The following GABRB1 variants were observed in gnomAD, a reference collection of about 807,000 sequenced individuals.
GABRB1 encodes gamma-aminobutyric acid receptor subunit beta-1.
Under a neutral mutation model 51.6 loss-of-function variants are expected in GABRB1, and 17 were observed. That is an observed-to-expected ratio of 0.33 (90% confidence interval 0.23 to 0.49). The LOEUF is 0.49. Among genes scored for constraint, GABRB1 ranks in the 20% least tolerant of loss-of-function variants. GABRB1 has a pLI of 0.99. For synonymous variants in GABRB1, 247 were observed against 218.9 expected (o/e 1.13, Z -1.14); for missense variants, 410 against 600.6 (o/e 0.68, Z 3.32).
chr4:47,380,477 T>A (rs1207606902), intron 5 of GABRB1, among the ~76,000 whole-genome samples: 3 of 152,214 alleles, frequency 2.0e-5, no homozygotes, highest in Admixed American at 6.5e-5. Context: ...ATAAGCCCCA[T>A]CTTCATGCTC....
chr4:47,284,139 T>A (rs1723413255), intron 4 of GABRB1, among the ~76,000 whole-genome samples: 1 of 151,722 alleles, frequency 6.6e-6, no homozygotes, highest in South Asian at 2.1e-4. Flanking sequence ...CATTTTCCAT[T>A]TTCCATCAGG....
intron 4 of GABRB1, among the ~76,000 whole-genome samples, chr4:47,316,219 T>C (rs1053555971): frequency 6.6e-6 from 1 of 151,864 alleles, no homozygotes; most frequent in Admixed American, 6.6e-5. Flanking sequence ...TAATATACTA[T>C]ATGCTTATTT....
chr4:47,394,876 C>A (rs931468712), intron 5 of GABRB1, among the ~76,000 whole-genome samples: 2 of 152,016 alleles, frequency 1.3e-5, no homozygotes, highest in African/African-American at 2.4e-5. Flanking sequence ...GATAGAAAAG[C>A]AATTTTTTTG....
At chr4:47,353,463 G>T (rs899303315) in intron 5 of GABRB1, among the ~76,000 whole-genome samples, 1 of 152,118 alleles carries the variant, frequency 6.6e-6, no homozygotes, top group African/African-American at 2.4e-5. Context: ...AAATGCTTTT[G>T]CAAATCTTGG....
chr4:47,415,569 A>G (rs17600665), intron 8 of GABRB1, among the ~76,000 whole-genome samples: 21,787 of 152,174 alleles, frequency 0.14, 1,697 homozygotes, highest in Middle Eastern at 0.22. Flanking sequence ...CTAAATGCCT[A>G]GGTCTGGATC....
intron 4 of GABRB1, among the ~76,000 whole-genome samples, chr4:47,182,004 T>C (rs1187399556): frequency 1.3e-5 from 2 of 152,008 alleles, no homozygotes; most frequent in African/African-American, 2.4e-5. Flanking sequence ...CAGTATGGTG[T>C]AGTGTTGTGG....
chr4:47,396,164 C>A (rs1011153460), intron 5 of GABRB1, among the ~76,000 whole-genome samples: 2 of 152,054 alleles, frequency 1.3e-5, no homozygotes, highest in South Asian at 4.2e-4. Flanking sequence ...ACAACCATGG[C>A]AGAAGGCAAG....
chr4:47,139,693 G>A (rs1169773082), intron 3 of GABRB1, among the ~76,000 whole-genome samples: 1 of 151,998 alleles, frequency 6.6e-6, no homozygotes, highest in Non-Finnish European at 1.5e-5. Flanking sequence ...ACCACTAACG[G>A]AGATAAATTT....
chr4:47,196,055 C>T (rs1166403422), intron 4 of GABRB1, among the ~76,000 whole-genome samples: 2 of 152,196 alleles, frequency 1.3e-5, no homozygotes, highest in East Asian at 1.9e-4. Flanking sequence ...GAACAAAATC[C>T]ATGGCATTAA....
intron 3 of GABRB1, among the ~76,000 whole-genome samples, chr4:47,047,188 A>G (rs2109500238): frequency 6.6e-6 from 1 of 152,246 alleles, no homozygotes; most frequent in African/African-American, 2.4e-5. Context: ...TCCAAAAATA[A>G]TAAATAAATA....
intron 4 of GABRB1, among the ~76,000 whole-genome samples, chr4:47,287,714 T>G (rs1723562965): frequency 6.6e-6 from 1 of 152,232 alleles, no homozygotes; most frequent in Non-Finnish European, 1.5e-5. Context: ...CATGTCTCGA[T>G]CAGGTTTTAA....
intron 3 of GABRB1, among the ~76,000 whole-genome samples, chr4:47,130,325 C>CTGTGTGTGTGTGTGTG (rs67244692): frequency 7.5e-6 from 1 of 133,660 alleles, no homozygotes; most frequent in African/African-American, 3.0e-5. Flanking sequence ...GCTCCAGATA[C>CTGTGTGTGTGTGTGTG]TGTGTGTGTG....
At chr4:47,131,875 C>G (rs905329282) in intron 3 of GABRB1, among the ~76,000 whole-genome samples, 3 of 152,012 alleles carry the variant, frequency 2.0e-5, no homozygotes, top group African/African-American at 7.2e-5. Flanking sequence ...ACTAATTTAT[C>G]CAGTAGAGCA....
chr4:47,350,214 TATATAGAGAG>T (rs1274973915), intron 5 of GABRB1, among the ~76,000 whole-genome samples: 11 of 79,722 alleles, frequency 1.4e-4, no homozygotes, highest in Non-Finnish European at 2.0e-4. Flanking sequence ...TATATATATA[TATATAGAGAG>T]AGAGAGAGAG....
chr4:47,077,323 T>G (rs1727601618), intron 3 of GABRB1, among the ~76,000 whole-genome samples: 1 of 152,220 alleles, frequency 6.6e-6, no homozygotes, highest in African/African-American at 2.4e-5. Flanking sequence ...AGAGCAGTTC[T>G]TTAAAGACTT....
chr4:47,282,067 G>A (rs937043514), intron 4 of GABRB1, among the ~76,000 whole-genome samples: 1 of 151,916 alleles, frequency 6.6e-6, no homozygotes, highest in African/African-American at 2.4e-5. Context: ...AAGATGAATT[G>A]TTAAAATGAT....
intron 5 of GABRB1, among the ~76,000 whole-genome samples, chr4:47,336,465 G>C (rs1169215201): frequency 6.6e-6 from 1 of 152,158 alleles, no homozygotes; most frequent in Non-Finnish European, 1.5e-5. Flanking sequence ...ATTTTTCCAA[G>C]GAGGAAGTGT....
intron 1 of GABRB1, among the ~76,000 whole-genome samples, chr4:46,994,733 A>C (rs1044873333): frequency 5.3e-5 from 8 of 152,208 alleles, no homozygotes; most frequent in African/African-American, 1.9e-4. Flanking sequence ...TCAAATTAGT[A>C]ATGATGCATG....
intron 4 of GABRB1, among the ~76,000 whole-genome samples, chr4:47,286,361 T>C (rs1723508564): frequency 6.6e-6 from 1 of 152,194 alleles, no homozygotes; most frequent in Non-Finnish European, 1.5e-5. Flanking sequence ...TAATATTTTA[T>C]ATAAGTATAT....
Sources: allele counts gnomAD v4.1 joint callset (sites outside exome capture counted in the v4.1 genomes callset), GRCh38; gene constraint gnomAD v4.1.1; transcripts MANE v1.5; gene names NCBI Gene and HGNC (gene_info 2026-07-23, HGNC 2026-07-21).